Variants in DNAH8 observed in about 807,000 individuals in gnomAD.
DNAH8 encodes the protein axonemal beta dynein heavy chain 8.
DNAH8 carries 382 observed loss-of-function variants against 562.1 expected under a neutral mutation model. The observed-to-expected ratio is 0.68, with a 90% CI of 0.63 to 0.74. The LOEUF is 0.74. DNAH8 is among the 30% of genes least tolerant of loss of function. The probability of loss-of-function intolerance (pLI) is 0.00; values close to 1 mark genes in which losing one functional copy is unlikely to be tolerated. For synonymous variants in DNAH8, 1,881 were observed against 1,919.4 expected (o/e 0.98, Z 0.52); for missense variants, 5,203 against 5,620.4 (o/e 0.93, Z 2.37).
intron 70 of DNAH8, 32 bp from the exon 71 acceptor site, chr6:38,921,337 C>G (rs756483506): frequency 1.2e-6 from 2 of 1,606,816 alleles, no homozygotes; most frequent in East Asian, 4.5e-5. Flanking sequence ...TTTCATGCAG[C>G]TAATACACTA....
intron 82 of DNAH8, among the ~76,000 whole-genome samples, chr6:38,955,852 G>C (rs1762211009): frequency 6.6e-6 from 1 of 152,154 alleles, no homozygotes; most frequent in Non-Finnish European, 1.5e-5. Flanking sequence ...CAAGACCTAG[G>C]AGGGTTGTTT....
rs1043169227 is a variant in DNAH8, at chr6:38,883,783, T to G, written c.8137-93T>G. 3 of 1,062,020 alleles carry G rather than the reference T, an allele frequency of 2.8e-6. No homozygotes were observed. The African/African-American group carries it at 4.9e-5, about 17-fold the overall frequency. The allele number at this position is 1,062,020 out of a possible 1,614,324, so 65.8% of individuals were successfully genotyped here. A position where few individuals can be genotyped will look rare whatever the true frequency, so the allele number is the denominator to read the frequency against. On this transcript the variant is annotated intron_variant, in intron 55 of 92. Transcript: ENST00000327475. ...TATGTATACTTATTAAATGCGTAAG[T>G]AAATTATATTCTACTCTGACAAGAA...
At chr6:38,870,119 A>C (rs965266900) in intron 48 of DNAH8, among the ~76,000 whole-genome samples, 2 of 152,184 alleles carry the variant, frequency 1.3e-5, no homozygotes, top group African/African-American at 4.8e-5. Flanking sequence ...TCATAAGAAC[A>C]GCAGGGAAAG....
At chr6:38,780,567 A>G (rs989666193) in intron 15 of DNAH8, among the ~76,000 whole-genome samples, 1 of 152,212 alleles carries the variant, frequency 6.6e-6, no homozygotes, top group African/African-American at 2.4e-5. Flanking sequence ...AGAGGCTATT[A>G]TCCTAAGCCA....
intron 57 of DNAH8, 88 bp from the exon 58 acceptor site, chr6:38,890,560 TAGTC>T (rs773056940): frequency 2.7e-5 from 24 of 899,844 alleles, no homozygotes; most frequent in Non-Finnish European, 3.6e-5. Context: ...ACACCCAGCT[TAGTC>T]AGCCTTGTAA....
chr6:38,940,145 G>A (rs1293170077), intron 79 of DNAH8, among the ~76,000 whole-genome samples: 2 of 152,158 alleles, frequency 1.3e-5, no homozygotes, highest in African/African-American at 2.4e-5. Context: ...CTTGGCACAC[G>A]TGTAAGGATC....
At chr6:38,867,379 T>C (rs1777119443) in intron 47 of DNAH8, among the ~76,000 whole-genome samples, 1 of 152,150 alleles carries the variant, frequency 6.6e-6, no homozygotes, top group South Asian at 2.1e-4. Context: ...TCTCCATGTC[T>C]AGAATTTTAT....
chr6:38,825,699 G>A (rs1329944740), intron 28 of DNAH8, among the ~76,000 whole-genome samples: 1 of 152,104 alleles, frequency 6.6e-6, no homozygotes, highest in Non-Finnish European at 1.5e-5. Context: ...CCAGGGTCAG[G>A]GTAGACGGAT....
chr6:38,829,370 G>T (rs1412441399), intron 30 of DNAH8, among the ~76,000 whole-genome samples: 3 of 152,068 alleles, frequency 2.0e-5, no homozygotes, highest in African/African-American at 7.2e-5. Context: ...TGTTGTTGTT[G>T]TTGGTGTTTT....
Position 38,894,911 on chromosome 6 carries a change from A to G in DNAH8, c.8747+47A>G, listed in dbSNP as rs746138179. On this transcript the variant is annotated intron_variant, in intron 59 of 92. Transcript: ENST00000327475. ...TTTAAATGTATGACCTGAGAAGTTT[A>G]TACTACTTGGTTAATTTTTTTTATT... is the stretch of plus-strand genomic sequence containing the variant. 3.3e-6 allele frequency: 5 copies of G among 1,536,268 alleles called. No homozygotes were observed. The South Asian group carries it at 6.2e-5, about 19-fold the overall frequency.
chr6:38,861,330 T>C (rs1262574782), intron 43 of DNAH8, among the ~76,000 whole-genome samples: 2 of 152,232 alleles, frequency 1.3e-5, no homozygotes, highest in Non-Finnish European at 2.9e-5. Flanking sequence ...TTCTCTTCTA[T>C]TGGTGTTTAC....
Position 38,917,977 on chromosome 6 carries a change from C to T in DNAH8, c.10361C>T (p.Thr3454Ile), listed in dbSNP as rs1781437339. The T allele has an allele frequency of 6.2e-7, 1 of 1,613,650 alleles. No homozygotes were observed. Among genetic ancestry groups the T allele is most frequent in the African/African-American group, 1.3e-5 (1 of 74,910 alleles). The change falls in exon 70 of 93, where the codon ACT becomes ATT. Residue 3454 changes from threonine to isoleucine, a missense_variant. Around this residue, in one of 6 missense-constraint regions of DNAH8, gnomAD observed 1,399 missense variants for 1,518.4 expected, o/e 0.92. Coordinates refer to ENST00000327475, the MANE Select transcript of DNAH8 (RefSeq NM_001206927.2). ...AGCCTTCAGCAGTTCCCTAAGGACA[C>T]TATAAATGAAGAGACTGTTGAGTTA... ...LWSLQQFPKD[T>I]INEETVELLQ...
intron 26 of DNAH8, among the ~76,000 whole-genome samples, chr6:38,820,850 T>C (rs957550454): frequency 3.3e-5 from 5 of 152,204 alleles, no homozygotes; most frequent in African/African-American, 1.2e-4. Context: ...GGGAATAGAA[T>C]TGAACTTCTT....
At chr6:38,892,835 C>T (rs1219607593) in intron 58 of DNAH8, among the ~76,000 whole-genome samples, 3 of 152,124 alleles carry the variant, frequency 2.0e-5, no homozygotes, top group East Asian at 1.9e-4. Context: ...AGCCGATGGC[C>T]CTGCTCACCA....
At position 38,845,688 on chromosome 6, in the gene DNAH8, C is replaced by T. The variant is rs368451192; in HGVS notation, c.4960C>T (p.Leu1654Phe). 1.2e-6 allele frequency: 2 copies of T among 1,613,824 alleles called. No homozygotes were observed. Among genetic ancestry groups the T allele is most frequent in the African/African-American group, 2.7e-5 (2 of 74,890 alleles). ...SFAAFKGKGE[L>F]LLKGTESGEI... ...TGCAGCATTTAAGGGAAAAGGAGAGCTCCTGCTCAAAGGAACCGAATCGGG... is the reference window on the plus strand; with the variant it reads ...TGCAGCATTTAAGGGAAAAGGAGAGTTCCTGCTCAAAGGAACCGAATCGGG... Residue 1654 changes from leucine to phenylalanine, a missense_variant, in exon 36 of 93, where the codon CTC (leucine) becomes TTC (phenylalanine). Leu to Phe is a conservative substitution (Grantham distance 22, BLOSUM62 0). Coordinates refer to ENST00000327475, the MANE Select transcript of DNAH8 (RefSeq NM_001206927.2).
chr6:38,744,573 G>A (rs761944302), intron 8 of DNAH8, among the ~76,000 whole-genome samples: 4 of 151,316 alleles, frequency 2.6e-5, no homozygotes, highest in Non-Finnish European at 5.9e-5. Context: ...ACATTGTTTT[G>A]TACTGATTTA....
chr6:38,969,709 G>C (rs533757719), intron 82 of DNAH8, among the ~76,000 whole-genome samples: 32 of 145,834 alleles, frequency 2.2e-4, no homozygotes, highest in East Asian at 4.4e-4. Flanking sequence ...AGGTGTGTGT[G>C]GGGGGGAGTG....
Position 38,929,499 on chromosome 6 carries a change from CTTTCTGTTTAGGTGACA to C in DNAH8, c.11119-10_11125del, listed in dbSNP as rs752023513. 2.4e-5 allele frequency: 39 copies of C among 1,603,024 alleles called. No individual in the cohort carries two copies. In the South Asian group the frequency reaches 4.3e-4, roughly 18 times the overall value. ...TGTAACACAGATAGACCAATGAGTTCTTTCTGTTTAGGTGACATCTCTGAACCATAAATATTTTCGCA... is the reference window on the plus strand; with the variant it reads ...TGTAACACAGATAGACCAATGAGTTCTCTCTGAACCATAAATATTTTCGCA... On this transcript the variant is annotated splice_acceptor_variant and splice_polypyrimidine_tract_variant and coding_sequence_variant and intron_variant, in exon 75 of 93. Transcript: ENST00000327475. LOFTEE classifies it high-confidence loss of function.
intron 76 of DNAH8, 108 bp from the exon 77 acceptor site, chr6:38,935,484 G>T (rs1282700662): frequency 2.0e-5 from 14 of 698,360 alleles, no homozygotes; most frequent in African/African-American, 3.6e-5. Context: ...CATTCAAAAG[G>T]TACTTTGCTT....
Sources: gnomAD v4.1 joint callset for allele counts (sites outside exome capture counted in the v4.1 genomes callset) on GRCh38, gnomAD v4.1.1 for gene constraint, gnomAD v4.1.1 regional missense constraint, MANE v1.5 for transcripts, NCBI Gene and HGNC (gene_info 2026-07-23, HGNC 2026-07-21) for gene names.